CMC1: variants seen among roughly 807,000 people sequenced by gnomAD.
CMC1 encodes COX assembly mitochondrial protein homolog.
CMC1 carries 14 observed loss-of-function variants against 14.1 expected under a neutral mutation model. That is an observed-to-expected ratio of 0.99 (90% confidence interval 0.66 to 1.55). The LOEUF (loss-of-function observed/expected upper bound fraction) is 1.55. Ranked by LOEUF, CMC1 falls within the 40% of genes most tolerant of loss-of-function variation. The probability of loss-of-function intolerance (pLI) is 0.00; values close to 1 mark genes in which losing one functional copy is unlikely to be tolerated. For synonymous variants in CMC1, 50 were observed against 38.4 expected (o/e 1.30, Z -1.12); for missense variants, 127 against 123.8 (o/e 1.03, Z -0.12).
At chr3:28,276,247 A>G (rs567787173) in intron 2 of CMC1, among the ~76,000 whole-genome samples, 5 of 152,114 alleles carry the variant, frequency 3.3e-5, no homozygotes, top group Non-Finnish European at 5.9e-5. Flanking sequence ...CTTGGCCCCA[A>G]TGAAATATTT....
intron 2 of CMC1, among the ~76,000 whole-genome samples, chr3:28,296,910 C>G (rs1701767499): frequency 6.6e-6 from 1 of 152,046 alleles, no homozygotes; most frequent in Non-Finnish European, 1.5e-5. Context: ...GGGAATACCT[C>G]CTTGAATTTT....
intron 2 of CMC1, among the ~76,000 whole-genome samples, chr3:28,281,339 G>C (rs1005459254): frequency 1.3e-5 from 2 of 152,130 alleles, no homozygotes; most frequent in African/African-American, 2.4e-5. Flanking sequence ...CTAAGTGTTG[G>C]TAATATTGGC....
rs1183154943 is a variant in CMC1 at position 28,324,663 on chromosome 3, T to C, written c.*5034T>C. The C allele has an allele frequency of 1.2e-5, 5 of 411,440 alleles. No individual in the cohort carries two copies. Among genetic ancestry groups the C allele is most frequent in the South Asian group, 1.0e-4 (1 of 9,654 alleles). The allele number at this position is 411,440 out of a possible 1,614,324, so 25.5% of individuals were successfully genotyped here. A position where few individuals can be genotyped will look rare whatever the true frequency, so the allele number is the denominator to read the frequency against. On this transcript the variant is annotated 3_prime_UTR_variant, in exon 4 of 4. Transcript: ENST00000466830. Reference sequence around the variant, plus strand: ...AGCAATTTACTGTGACTTTAGATATTTGTCTCTTAGCTGCTCCTGATGTCT... The same window carrying C: ...AGCAATTTACTGTGACTTTAGATATCTGTCTCTTAGCTGCTCCTGATGTCT...
intron 2 of CMC1, among the ~76,000 whole-genome samples, chr3:28,288,373 C>T (rs955320479): frequency 6.6e-6 from 1 of 151,944 alleles, no homozygotes; most frequent in African/African-American, 2.4e-5. Flanking sequence ...AATACATCTA[C>T]TTTATCTCCA....
intron 1 of CMC1, among the ~76,000 whole-genome samples, chr3:28,260,686 T>C (rs1474997159): frequency 9.8e-6 from 1 of 102,148 alleles, no homozygotes; most frequent in African/African-American, 2.7e-5. Flanking sequence ...GAAACTTAAG[T>C]TAATACAAGA....
chr3:28,282,201 A>G (rs1700933774), intron 2 of CMC1, among the ~76,000 whole-genome samples: 1 of 152,196 alleles, frequency 6.6e-6, no homozygotes, highest in Admixed American at 6.6e-5. Context: ...TACTTTTTAA[A>G]TTTTGGCTTT....
intron 1 of CMC1, among the ~76,000 whole-genome samples, chr3:28,258,614 AT>A (rs61323375): frequency 3.0e-3 from 301 of 99,130 alleles, no homozygotes; most frequent in East Asian, 9.8e-3. Flanking sequence ...GTATTTCTGG[AT>A]TTTTTTTTTT....
At chr3:28,253,612 C>CA in intron 1 of CMC1, 1 of 462,938 alleles carries the variant, frequency 2.2e-6, no homozygotes, top group Non-Finnish European at 3.6e-6. Context: ...AAAAACCCCC[C>CA]AAAAAACTCC....
Position 28,324,206 on chromosome 3 carries a change from A to T in CMC1, c.*4577A>T. ...TTGTCTTCCAGAGAATTTCTGCCATAAGAACTGTGTTCCTGAAAGCATGTA... is the reference window on the plus strand; with the variant it reads ...TTGTCTTCCAGAGAATTTCTGCCATTAGAACTGTGTTCCTGAAAGCATGTA... On this transcript the variant is annotated 3_prime_UTR_variant, in exon 4 of 4. Coordinates refer to ENST00000466830, the MANE Select transcript of CMC1 (RefSeq NM_182523.2). 1 of 1,610,690 alleles carries T rather than the reference A, an allele frequency of 6.2e-7. No individual in the cohort carries two copies. Among genetic ancestry groups the T allele is most frequent in the South Asian group, 1.1e-5 (1 of 90,986 alleles).
intron 2 of CMC1, among the ~76,000 whole-genome samples, chr3:28,289,192 C>T (rs1039362311): frequency 9.3e-5 from 14 of 151,348 alleles, no homozygotes; most frequent in African/African-American, 2.4e-4. Flanking sequence ...AGAAAAGTCT[C>T]GATGAGTGCT....
Position 28,324,464 on chromosome 3 carries a change from A to C in CMC1, c.*4835A>C, listed in dbSNP as rs779033447. ...CCTACAGGGGCACAGGCTAAAAAGA[A>C]AACACAGACTAAATGTCAGTTTTCA... On this transcript the variant is annotated 3_prime_UTR_variant, in exon 4 of 4. Coordinates refer to ENST00000466830, the MANE Select transcript of CMC1 (RefSeq NM_182523.2). The C allele has an allele frequency of 4.1e-6, 6 of 1,453,324 alleles. No individual in the cohort carries two copies. In the African/African-American group the frequency reaches 8.5e-5, roughly 21 times the overall value. 90.0% of individuals were successfully genotyped at this position (1,453,324 alleles called of 1,614,324 possible). A position where few individuals can be genotyped will look rare whatever the true frequency, so the allele number is the denominator to read the frequency against.
intron 1 of CMC1, among the ~76,000 whole-genome samples, chr3:28,261,176 G>GTT (rs377671062): frequency 6.8e-6 from 1 of 147,726 alleles, no homozygotes; most frequent in Non-Finnish European, 1.5e-5. Flanking sequence ...CATGCGTTCA[G>GTT]TTTTTTTTTT....
At chr3:28,303,477 G>T (rs1256390457) in intron 2 of CMC1, among the ~76,000 whole-genome samples, 2 of 151,966 alleles carry the variant, frequency 1.3e-5, no homozygotes, top group Admixed American at 1.3e-4. Flanking sequence ...TTTTAATTTT[G>T]CTATGAAACC....
intron 2 of CMC1, among the ~76,000 whole-genome samples, chr3:28,274,441 C>A (rs986399703): frequency 6.6e-6 from 1 of 151,774 alleles, no homozygotes; most frequent in South Asian, 2.1e-4. Flanking sequence ...ATATTAGCAC[C>A]CAGTCTCTTC....
intron 2 of CMC1, among the ~76,000 whole-genome samples, chr3:28,275,982 G>T (rs1700572159): frequency 6.6e-6 from 1 of 152,002 alleles, no homozygotes; most frequent in African/African-American, 2.4e-5. Context: ...GGGGAAAATG[G>T]CAGACTGGAG....
chr3:28,274,942 G>C (rs1700500147), intron 2 of CMC1, among the ~76,000 whole-genome samples: 1 of 152,010 alleles, frequency 6.6e-6, no homozygotes, highest in South Asian at 2.1e-4. Context: ...AGCTCCATCA[G>C]GTCCTTTATG....
Position 28,324,547 on chromosome 3 carries a change from T to C in CMC1, c.*4918T>C. 1 of 1,171,670 alleles carries C rather than the reference T, an allele frequency of 8.5e-7. No individual in the cohort carries two copies. Among genetic ancestry groups the C allele is most frequent in the Admixed American group, 2.9e-5 (1 of 34,386 alleles). 72.6% of individuals were successfully genotyped at this position (1,171,670 alleles called of 1,614,324 possible). A position where few individuals can be genotyped will look rare whatever the true frequency, so the allele number is the denominator to read the frequency against. ...TCACCAATTTGAATTCTAGAACTGG[T>C]GATGAAATTAAGATTTCCAAGTTAG... On this transcript the variant is annotated 3_prime_UTR_variant, in exon 4 of 4. Coordinates refer to ENST00000466830, the MANE Select transcript of CMC1 (RefSeq NM_182523.2).
chr3:28,283,580 G>T (rs908254322), intron 2 of CMC1, among the ~76,000 whole-genome samples: 1 of 146,838 alleles, frequency 6.8e-6, no homozygotes, highest in Non-Finnish European at 1.5e-5. Context: ...AAAGAAGAAA[G>T]AAACCAATTC....
At chr3:28,261,977 A>T (rs1308132823) in intron 1 of CMC1, among the ~76,000 whole-genome samples, 1 of 152,166 alleles carries the variant, frequency 6.6e-6, no homozygotes, top group Non-Finnish European at 1.5e-5. Context: ...TAAGGAGATT[A>T]CTTCTTTTTC....
Sources: allele counts gnomAD v4.1 joint callset (sites outside exome capture counted in the v4.1 genomes callset), GRCh38; gene constraint gnomAD v4.1.1; transcripts MANE v1.5; gene names NCBI Gene and HGNC (gene_info 2026-07-23, HGNC 2026-07-21).